CA10: variants seen among roughly 807,000 people sequenced by gnomAD.
CA10 encodes carbonic anhydrase-related protein 10.
In CA10, 14 loss-of-function variants were observed where a neutral mutation model predicts 44.2. That is an observed-to-expected ratio of 0.32 (90% CI 0.21 to 0.50). CA10 has a LOEUF of 0.50. Ranked by LOEUF, CA10 falls within the 20% of genes least tolerant of loss-of-function variation. The pLI is 0.99. For missense variants in CA10, 350 were observed against 409.7 expected (o/e 0.85, Z 1.26); for synonymous variants, 159 against 141.6 (o/e 1.12, Z -0.87).
At chr17:52,095,194 T>C (rs972797653) in intron 1 of CA10, among the ~76,000 whole-genome samples, 3 of 152,010 alleles carry the variant, frequency 2.0e-5, no homozygotes, top group African/African-American at 7.3e-5. Context: ...GGTTGTAGAG[T>C]GAAAGAAGCC....
chr17:52,011,705 A>T (rs1396086339), intron 2 of CA10, among the ~76,000 whole-genome samples: 1 of 152,054 alleles, frequency 6.6e-6, no homozygotes, highest in African/African-American at 2.4e-5. Flanking sequence ...GGCATGTATG[A>T]TAAGTGATAT....
chr17:51,872,458 C>T (rs1012860517), intron 3 of CA10, among the ~76,000 whole-genome samples: 2 of 152,178 alleles, frequency 1.3e-5, no homozygotes, highest in African/African-American at 4.8e-5. Context: ...CCCATCCCAC[C>T]AGATTTATGA....
intron 4 of CA10, among the ~76,000 whole-genome samples, chr17:51,670,190 C>A (rs917983152): frequency 2.0e-5 from 3 of 152,224 alleles, no homozygotes; most frequent in East Asian, 1.9e-4. Context: ...GAAAATGGAC[C>A]CTTGCCTGAC....
At chr17:51,988,765 A>G (rs913656179) in intron 2 of CA10, among the ~76,000 whole-genome samples, 7 of 152,150 alleles carry the variant, frequency 4.6e-5, no homozygotes, top group African/African-American at 1.7e-4. Flanking sequence ...ACTGTTCAAT[A>G]GAGATACAAT....
intron 2 of CA10, among the ~76,000 whole-genome samples, chr17:52,029,208 TA>T (rs1411092135): frequency 6.6e-6 from 1 of 152,198 alleles, no homozygotes; most frequent in Non-Finnish European, 1.5e-5. Flanking sequence ...ATCTTCTCTA[TA>T]ACCCAAGAAG....
intron 3 of CA10, among the ~76,000 whole-genome samples, chr17:51,782,760 C>T (rs979083891): frequency 2.6e-5 from 4 of 152,156 alleles, no homozygotes; most frequent in Non-Finnish European, 4.4e-5. Context: ...TTCCAATATT[C>T]CTGGTTCAGC....
At chr17:51,659,776 G>A (rs763616058) in intron 4 of CA10, among the ~76,000 whole-genome samples, 1 of 152,218 alleles carries the variant, frequency 6.6e-6, no homozygotes, top group Non-Finnish European at 1.5e-5. Context: ...GGGACACCAA[G>A]CCTCTGAGAG....
intron 2 of CA10, among the ~76,000 whole-genome samples, chr17:51,999,310 T>C (rs1985342562): frequency 6.6e-6 from 1 of 152,026 alleles, no homozygotes; most frequent in African/African-American, 2.4e-5. Context: ...TTCTAGATCA[T>C]CACACAGGTA....
At chr17:51,724,210 T>C (rs940601424) in intron 4 of CA10, among the ~76,000 whole-genome samples, 1 of 152,220 alleles carries the variant, frequency 6.6e-6, no homozygotes, top group Non-Finnish European at 1.5e-5. Context: ...GACACACCCA[T>C]TCTCATGAAT....
At chr17:51,968,737 G>A (rs1192699390) in intron 2 of CA10, among the ~76,000 whole-genome samples, 3 of 151,886 alleles carry the variant, frequency 2.0e-5, no homozygotes, top group African/African-American at 4.8e-5. Context: ...ACAGTGAACT[G>A]CTTTGATTAG....
chr17:51,637,105 C>T (rs1466280812), intron 6 of CA10, among the ~76,000 whole-genome samples: 1 of 151,586 alleles, frequency 6.6e-6, no homozygotes, highest in Non-Finnish European at 1.5e-5. Flanking sequence ...TGTATCTCTC[C>T]TCTTCTCCCC....
chr17:51,898,300 T>G (rs894360797), intron 3 of CA10, among the ~76,000 whole-genome samples: 1 of 152,196 alleles, frequency 6.6e-6, no homozygotes, highest in African/African-American at 2.4e-5. Context: ...CTTTTCTGAA[T>G]CTATTGAGAT....
intron 3 of CA10, among the ~76,000 whole-genome samples, chr17:51,796,500 T>A (rs895146111): frequency 6.6e-6 from 1 of 152,152 alleles, no homozygotes; most frequent in Non-Finnish European, 1.5e-5. Context: ...AGGGAAGAGA[T>A]TGAGTCAACA....
In CA10 at chr17:51,884,470, C is replaced by T. The variant is rs1156867431; in HGVS notation, c.279+46520G>A. ...TTCTCCCTGCTTGGGCTATTCTCCC[C>T]TGCAAACACCCAATGGCTTGCAAAT... is the stretch of plus-strand genomic sequence containing the variant. On this transcript the variant is annotated intron_variant, in intron 3 of 8. Transcript: ENST00000451037. 2.6e-5 allele frequency among the ~76,000 whole-genome samples: 4 copies of T among 152,148 alleles called. No individual in the cohort carries two copies. The East Asian group carries it at 7.7e-4, about 29-fold the overall frequency.
chr17:51,943,623 C>G (rs2144020481), intron 2 of CA10, among the ~76,000 whole-genome samples: 1 of 152,278 alleles, frequency 6.6e-6, no homozygotes, highest in South Asian at 2.1e-4. Context: ...CTTTCCTATG[C>G]ATGGAGTGCT....
chr17:51,816,067 C>G (rs550799535), intron 3 of CA10, among the ~76,000 whole-genome samples: 2 of 152,240 alleles, frequency 1.3e-5, no homozygotes, highest in African/African-American at 2.4e-5. Context: ...TCCACCTCCC[C>G]CCGGCCCCCT....
chr17:51,661,860 G>A (rs1283925423), intron 4 of CA10: 1 of 152,212 alleles, frequency 6.6e-6, no homozygotes, highest in Non-Finnish European at 1.5e-5. Context: ...TAAAGATTCA[G>A]ATAGTAAATA....
At position 51,653,598 on chromosome 17, in the gene CA10, A is replaced by C. The variant is rs915981371; in HGVS notation, c.561+43T>G. On this transcript the variant is annotated intron_variant, in intron 5 of 8. Transcript: ENST00000451037. ...AGACCGTAAATTGGTATTCTGATTG[A>C]GGTGGGGATGGTGAGAAGAATGAAG... The C allele has an allele frequency of 3.0e-6, 3 of 1,002,928 alleles. No homozygotes were observed. In the African/African-American group the frequency reaches 4.8e-5, roughly 16 times the overall value. The allele number at this position is 1,002,928 out of a possible 1,614,324, so 62.1% of individuals were successfully genotyped here. A position where few individuals can be genotyped will look rare whatever the true frequency, so the allele number is the denominator to read the frequency against.
chr17:51,717,839 A>ACACG (rs1180558378), intron 4 of CA10, among the ~76,000 whole-genome samples: 3 of 28,456 alleles, frequency 1.1e-4, no homozygotes, highest in Admixed American at 4.3e-4. Context: ...GTATATATAT[A>ACACG]TATATATATA....
Sources: gnomAD v4.1 joint callset for allele counts (sites outside exome capture counted in the v4.1 genomes callset) on GRCh38, gnomAD v4.1.1 for gene constraint, MANE v1.5 for transcripts, NCBI Gene and HGNC (gene_info 2026-07-23, HGNC 2026-07-21) for gene names.